The following CREB3L3 variants were observed in gnomAD, a reference collection of about 807,000 sequenced individuals.
The protein encoded by CREB3L3 is cyclic AMP-responsive element-binding protein 3-like protein 3.
In CREB3L3, 40 loss-of-function variants were observed where a neutral mutation model predicts 44.6. That is an observed-to-expected ratio of 0.90 (90% CI 0.70 to 1.17). CREB3L3 has a LOEUF of 1.17. Among genes scored for constraint, CREB3L3 ranks in the 50% most tolerant of loss-of-function variants. The probability of loss-of-function intolerance (pLI) is 0.00; values close to 1 mark genes in which losing one functional copy is unlikely to be tolerated. For synonymous variants in CREB3L3, 273 were observed against 256.3 expected (o/e 1.06, Z -0.62); for missense variants, 578 against 595.8 (o/e 0.97, Z 0.31).
chr19:4,164,474 C>T lies in CREB3L3; in HGVS notation c.577-29C>T, dbSNP rs376847716. The T allele has an allele frequency of 2.1e-5, 34 of 1,613,472 alleles. No homozygotes were observed. In the African/African-American group the frequency reaches 2.5e-4, roughly 12 times the overall value. ...TGAAGGCAGTTGGCGTCCCTGCACCCGCCGTCATTCCTCTGATTTTTTCCG... is the reference window on the plus strand; with the variant it reads ...TGAAGGCAGTTGGCGTCCCTGCACCTGCCGTCATTCCTCTGATTTTTTCCG... On this transcript the variant is annotated intron_variant, in intron 4 of 9. Coordinates refer to ENST00000078445, the MANE Select transcript of CREB3L3 (RefSeq NM_032607.3).
rs767119356 is a variant in CREB3L3 at position 4,159,648 on chromosome 19, C to T, written c.458-16C>T. 1.6e-6 allele frequency: 2 copies of T among 1,244,348 alleles called. No homozygotes were observed. The highest frequency in any genetic ancestry group is 3.0e-5 in the African/African-American group (2 of 67,724). The allele number at this position is 1,244,348 out of a possible 1,614,324, so 77.1% of individuals were successfully genotyped here. Reference sequence around the variant, plus strand: ...CTGACACTCTCCCTGTCTCCGTCCCCACCTGCCCTGGTCAGAAATGTGGAG... The same window carrying T: ...CTGACACTCTCCCTGTCTCCGTCCCTACCTGCCCTGGTCAGAAATGTGGAG... On this transcript the variant is annotated splice_polypyrimidine_tract_variant and intron_variant, in intron 3 of 9. Coordinates refer to ENST00000078445, the MANE Select transcript of CREB3L3 (RefSeq NM_032607.3).
chr19:4,161,629 G>C (rs897114470), intron 4 of CREB3L3, among the ~76,000 whole-genome samples: 1 of 85,212 alleles, frequency 1.2e-5, no homozygotes, highest in African/African-American at 3.8e-5. Context: ...TTGCAGATGA[G>C]AAGGTAGGTC....
intron 6 of CREB3L3, among the ~76,000 whole-genome samples, chr19:4,169,354 C>T (rs1966992497): frequency 6.6e-6 from 1 of 151,834 alleles, no homozygotes; most frequent in Non-Finnish European, 1.5e-5. Context: ...GTGGCGGGTG[C>T]CTGTAGTCCC....
intron 4 of CREB3L3, among the ~76,000 whole-genome samples, chr19:4,164,055 C>T (rs1002360348): frequency 1.4e-5 from 2 of 147,658 alleles, no homozygotes; most frequent in Non-Finnish European, 3.0e-5. Flanking sequence ...CTCACTGCAA[C>T]CTCTGACTTC....
At chr19:4,167,352 AAG>A (rs1555703934) in intron 5 of CREB3L3, among the ~76,000 whole-genome samples, 56 of 130,166 alleles carry the variant, frequency 4.3e-4, no homozygotes, top group African/African-American at 9.4e-4. Context: ...GAAAGAAAGA[AAG>A]AGAGAGAGAG....
intron 5 of CREB3L3, among the ~76,000 whole-genome samples, 199 bp from the exon 6 acceptor site, chr19:4,168,152 C>T (rs577882672): frequency 2.0e-5 from 3 of 151,906 alleles, no homozygotes; most frequent in East Asian, 3.9e-4. Context: ...GCACCCGCCA[C>T]CATGCCTGGC....
At position 4,164,607 on chromosome 19, in the gene CREB3L3, C is replaced by T. The variant is rs753263282; in HGVS notation, c.681C>T (p.Gly227=). ...EDEKKLLAKE[G]ITLPTQLPLT... Reference sequence around the variant, plus strand: ...AGAAGAAGCTGCTGGCTAAAGAAGGCATCACCCTGCCCACTCAGCTGCCCC... The same window carrying T: ...AGAAGAAGCTGCTGGCTAAAGAAGGTATCACCCTGCCCACTCAGCTGCCCC... The change falls in exon 5 of 10, where the codon GGC becomes GGT. Residue 227 remains glycine, a synonymous_variant. Coordinates refer to ENST00000078445, the MANE Select transcript of CREB3L3 (RefSeq NM_032607.3). 1.4e-5 allele frequency: 23 copies of T among 1,613,990 alleles called. No individual in the cohort carries two copies. In the East Asian group the frequency reaches 4.2e-4, roughly 30 times the overall value.
At chr19:4,168,507 C>A in intron 6 of CREB3L3, 50 bp downstream of exon 6, 1 of 1,437,196 alleles carries the variant, frequency 7.0e-7, no homozygotes, top group Non-Finnish European at 9.6e-7. Context: ...AACTGAGGCC[C>A]AGAGAGAAGG....
At position 4,171,834 on chromosome 19, in the gene CREB3L3, G is replaced by A. The variant is rs1371196266; in HGVS notation, c.1251G>A (p.Glu417=). ...CGAACCTGACCAATTCGACGGAGGA[G>A]CTGGACAACGCCACCCTGGTCCTGA... The part of the protein sequence containing the change: ...DTANLTNSTE[E]LDNATLVLRN... The change falls in exon 10 of 10, where the codon GAG becomes GAA. Residue 417 remains glutamate, a synonymous_variant. Coordinates refer to ENST00000078445, the MANE Select transcript of CREB3L3 (RefSeq NM_032607.3). This position sits in a 1 kb window ranked among gnomAD's most constrained non-coding sequence, Gnocchi z 4.9. 1.2e-6 allele frequency: 2 copies of A among 1,613,698 alleles called. No homozygotes were observed. Among genetic ancestry groups the A allele is most frequent in the South Asian group, 1.1e-5 (1 of 91,086 alleles).
At chr19:4,168,514 AAGG>A (rs1430295233) in intron 6 of CREB3L3, 57 bp downstream of exon 6, 1 of 1,385,954 alleles carries the variant, frequency 7.2e-7, no homozygotes, top group African/African-American at 1.4e-5. Flanking sequence ...GCCCAGAGAG[AAGG>A]AGATGTGGCT....
rs770392896 is a variant in CREB3L3 at position 4,157,009 on chromosome 19, C to T, written c.171C>T (p.Asn57=). The T allele has an allele frequency of 7.2e-5, 117 of 1,613,994 alleles. No individual in the cohort carries two copies. The highest frequency in any genetic ancestry group is 9.0e-5 in the Non-Finnish European group (106 of 1,180,026). ...GHVKDQQVLP[N]PDSDDFLSSI... ...GTCCACCCCAGCAGGTCCTGCCAAACCCCGACTCTGACGACTTCCTCAGCT... is the reference window on the plus strand; with the variant it reads ...GTCCACCCCAGCAGGTCCTGCCAAATCCCGACTCTGACGACTTCCTCAGCT... The change falls in exon 3 of 10, where the codon AAC becomes AAT. Residue 57 remains asparagine, a synonymous_variant. Transcript: ENST00000078445.
At chr19:4,158,633 T>C (rs2041618654) in intron 3 of CREB3L3, among the ~76,000 whole-genome samples, 2 of 151,870 alleles carry the variant, frequency 1.3e-5, no homozygotes, top group African/African-American at 4.8e-5. Flanking sequence ...AACCTCTGTC[T>C]CTACTAAAAA....
intron 5 of CREB3L3, among the ~76,000 whole-genome samples, chr19:4,165,174 CT>C (rs377031237): frequency 0.11 from 15,633 of 143,388 alleles, 997 homozygotes; most frequent in East Asian, 0.26. Context: ...GTGCAGCAAA[CT>C]TTTTTTTTTT....
chr19:4,164,640 G>A lies in CREB3L3; in HGVS notation c.714G>A (p.Lys238=), dbSNP rs1263565554. The A allele has an allele frequency of 1.2e-6, 2 of 1,613,994 alleles. No individual in the cohort carries two copies. The highest frequency in any genetic ancestry group is 1.7e-6 in the Non-Finnish European group (2 of 1,179,998). The change falls in exon 5 of 10, where the codon AAG becomes AAA. Residue 238 remains lysine, a splice_region_variant and synonymous_variant. Coordinates refer to ENST00000078445, the MANE Select transcript of CREB3L3 (RefSeq NM_032607.3). The part of the protein sequence containing the change: ...ITLPTQLPLT[K]YEERVLKKIR... ...TGCCCACTCAGCTGCCCCTCACTAA[G>A]GTGAGTCTGGGGGGACTTCCAGCCC...
At chr19:4,169,273 C>T (rs1229474233) in intron 6 of CREB3L3, among the ~76,000 whole-genome samples, 1 of 151,856 alleles carries the variant, frequency 6.6e-6, no homozygotes, top group Non-Finnish European at 1.5e-5. Flanking sequence ...AGGCGGATCA[C>T]GAGTTCAGGA....
In CREB3L3 at chr19:4,155,561, C is replaced by T. The variant is rs200944117; in HGVS notation, c.156+534C>T. ...TTTAGTAGAGATGGGTTTCACTATCCTGGCCAGGCTGGTCTTGAACTCCTG... is the reference window on the plus strand; with the variant it reads ...TTTAGTAGAGATGGGTTTCACTATCTTGGCCAGGCTGGTCTTGAACTCCTG... On this transcript the variant is annotated intron_variant, in intron 2 of 9. Transcript: ENST00000078445. Among the ~76,000 whole-genome samples, 39 of 151,640 alleles carry T rather than the reference C, an allele frequency of 2.6e-4. No individual in the cohort carries two copies. The East Asian group carries it at 7.0e-3, about 27-fold the overall frequency.
chr19:4,168,446 C>A lies in CREB3L3; in HGVS notation c.810C>A (p.Gly270=). The change falls in exon 6 of 10, where the codon GGC becomes GGA. Residue 270 remains glycine (G), a synonymous_variant. Coordinates refer to ENST00000078445, the MANE Select transcript of CREB3L3 (RefSeq NM_032607.3). ...SRKKKKEYID[G]LETRMSACTA... is the part of the protein sequence containing the mutation. ...AGAAGAAGAAGGAATATATCGATGG[C>A]CTGGAGACTCGGTGGGTAGTGCTGG... The A allele has an allele frequency of 1.9e-6, 3 of 1,606,796 alleles. No homozygotes were observed. The highest frequency in any genetic ancestry group is 2.6e-6 in the Non-Finnish European group (3 of 1,175,544).
rs2041699586 is a variant in CREB3L3 at position 4,164,411 on chromosome 19, G to A, written c.577-92G>A. The A allele has an allele frequency of 4.0e-6, 6 of 1,517,550 alleles. No individual in the cohort carries two copies. The East Asian group carries it at 1.4e-4, about 34-fold the overall frequency. The allele number at this position is 1,517,550 out of a possible 1,614,324, so 94.0% of individuals were successfully genotyped here. A position where few individuals can be genotyped will look rare whatever the true frequency, so the allele number is the denominator to read the frequency against. ...GCGTGAGCCACCACACCCAGCCTGG[G>A]GTGATAGTGTTTTCGATCTGATACC... On this transcript the variant is annotated intron_variant, in intron 4 of 9. Coordinates refer to ENST00000078445, the MANE Select transcript of CREB3L3 (RefSeq NM_032607.3).
In CREB3L3 at chr19:4,171,406, C is replaced by T. The variant is rs977752178; in HGVS notation, c.999C>T (p.Leu333=). The T allele has an allele frequency of 1.2e-6, 2 of 1,614,132 alleles. No homozygotes were observed. ...AGGTCCTGTTGCTGTCCTTTGCCCTCATCATCCTCCCCTCCATCAGCCCTT... is the reference window on the plus strand; with the variant it reads ...AGGTCCTGTTGCTGTCCTTTGCCCTTATCATCCTCCCCTCCATCAGCCCTT... ...CVAVLLLSFA[L]IILPSISPFG... Residue 333 remains leucine (L), a synonymous_variant, in exon 9 of 10, where the codon CTC becomes CTT. Coordinates refer to ENST00000078445, the MANE Select transcript of CREB3L3 (RefSeq NM_032607.3). The surrounding 1 kb of genome is among the most constrained non-coding windows in gnomAD (Gnocchi z 4.9).
Sources: allele counts gnomAD v4.1 joint callset (sites outside exome capture counted in the v4.1 genomes callset), GRCh38; gene constraint gnomAD v4.1.1; non-coding constraint Gnocchi (gnomAD v3.1); transcripts MANE v1.5; gene names NCBI Gene and HGNC (gene_info 2026-07-23, HGNC 2026-07-21).